STK3: variants seen among roughly 807,000 people sequenced by gnomAD.
STK3 encodes the protein serine/threonine kinase 3.
STK3 carries 41 observed loss-of-function variants against 58.0 expected under a neutral mutation model. The observed-to-expected ratio is 0.71, with a 90% CI of 0.55 to 0.92. The LOEUF (loss-of-function observed/expected upper bound fraction) is 0.92. Ranked by LOEUF, STK3 falls within the 40% of genes least tolerant of loss-of-function variation. STK3 has a pLI of 0.00. For missense variants in STK3, 479 were observed against 602.7 expected, an observed-to-expected ratio of 0.79 and a Z score of 2.15; for synonymous variants, 170 against 191.0, an observed-to-expected ratio of 0.89 and a Z score of 0.91.
At chr8:98,746,412 T>C (rs1197529068) in intron 4 of STK3, among the ~76,000 whole-genome samples, 2 of 152,070 alleles carry the variant, frequency 1.3e-5, no homozygotes, top group Non-Finnish European at 2.9e-5. Flanking sequence ...TGTTCTAGGA[T>C]ATGAGCCTAG....
intron 1 of STK3, among the ~76,000 whole-genome samples, chr8:98,901,511 T>C (rs1838655145): frequency 6.6e-6 from 1 of 152,262 alleles, no homozygotes; most frequent in African/African-American, 2.4e-5. Context: ...CTAGGCTCTC[T>C]GACTGCACAC....
chr8:98,628,677 CTA>C (rs1409152905), intron 6 of STK3, among the ~76,000 whole-genome samples: 1 of 151,924 alleles, frequency 6.6e-6, no homozygotes, highest in African/African-American at 2.4e-5. Context: ...TGGTATGTGC[CTA>C]TGTTCCCAGC....
chr8:98,847,151 G>C (rs780100462), intron 3 of STK3, among the ~76,000 whole-genome samples: 31 of 152,120 alleles, frequency 2.0e-4, no homozygotes, highest in Non-Finnish European at 3.8e-4. Flanking sequence ...ACTGCTTGAA[G>C]CCAAGAGTTT....
intron 6 of STK3, among the ~76,000 whole-genome samples, chr8:98,630,779 GGAAGAGGAAGAGGAA>G (rs140481096): frequency 1.4e-3 from 205 of 144,650 alleles, no homozygotes; most frequent in African/African-American, 4.4e-3. Context: ...AAGAAGAAGA[GGAAGAGGAAGAGGAA>G]GAAGAGGAAG....
chr8:98,535,182 A>C (rs1045518424), intron 9 of STK3, among the ~76,000 whole-genome samples: 1 of 152,212 alleles, frequency 6.6e-6, no homozygotes, highest in Non-Finnish European at 1.5e-5. Flanking sequence ...TAACTGCTGG[A>C]AAAGTAAGAA....
intron 9 of STK3, among the ~76,000 whole-genome samples, chr8:98,544,112 A>G: frequency 6.6e-6 from 1 of 152,318 alleles, no homozygotes; most frequent in South Asian, 2.1e-4. Context: ...AAGCAACGAA[A>G]TAATGAAATA....
At chr8:98,848,895 A>G (rs1836321548) in intron 3 of STK3, among the ~76,000 whole-genome samples, 1 of 152,164 alleles carries the variant, frequency 6.6e-6, no homozygotes, top group Admixed American at 6.5e-5. Context: ...TGCCAATAGC[A>G]TGTTTAACTG....
chr8:98,545,559 G>A (rs575432480), intron 9 of STK3, among the ~76,000 whole-genome samples: 2 of 152,082 alleles, frequency 1.3e-5, no homozygotes, highest in Non-Finnish European at 2.9e-5. Context: ...CTAGAGGTAA[G>A]GAAAATAGGC....
At chr8:98,431,934 G>T (rs1406568904) in intron 3 of STK3, 5 of 167,118 alleles carry the variant, frequency 3.0e-5, no homozygotes, top group African/African-American at 1.2e-4. Flanking sequence ...ATAGCATTGA[G>T]TTTTTCAAGT....
At chr8:98,729,357 G>A (rs933774134) in intron 4 of STK3, among the ~76,000 whole-genome samples, 3 of 152,056 alleles carry the variant, frequency 2.0e-5, no homozygotes, top group African/African-American at 4.8e-5. Flanking sequence ...TGATCTCCCC[G>A]CCTCAGCCTC....
At chr8:98,735,075 GT>G (rs1400177210) in intron 4 of STK3, among the ~76,000 whole-genome samples, 1 of 152,030 alleles carries the variant, frequency 6.6e-6, no homozygotes, top group African/African-American at 2.4e-5. Flanking sequence ...GACCATATTT[GT>G]TCAGCAATCC....
chr8:98,388,469 C>T (rs147861324), upstream of STK3, among the ~76,000 whole-genome samples: 11 of 152,194 alleles, frequency 7.2e-5, no homozygotes, highest in Admixed American at 1.3e-4. Context: ...TCTTCTAATG[C>T]GATGTATTTG....
chr8:98,817,284 T>A (rs1834615455), intron 1 of STK3, among the ~76,000 whole-genome samples: 1 of 151,974 alleles, frequency 6.6e-6, no homozygotes, highest in African/African-American at 2.4e-5. Flanking sequence ...TGAAACCCCA[T>A]CTCTACTAAA....
intron 6 of STK3, among the ~76,000 whole-genome samples, chr8:98,668,638 T>C (rs1345504344): frequency 3.3e-5 from 5 of 152,174 alleles, no homozygotes; most frequent in Non-Finnish European, 5.9e-5. Context: ...TGTATTTTAA[T>C]AGTAAAAGAA....
chr8:98,839,051 G>T (rs961146992), intron 3 of STK3, among the ~76,000 whole-genome samples: 48 of 82,216 alleles, frequency 5.8e-4, no homozygotes, highest in African/African-American at 1.3e-3. Context: ...TTGATTTTTG[G>T]GGGGGGGCGG....
intron 4 of STK3, among the ~76,000 whole-genome samples, chr8:98,740,303 A>G (rs1029437135): frequency 6.6e-6 from 1 of 152,132 alleles, no homozygotes; most frequent in Non-Finnish European, 1.5e-5. Context: ...CAGATTCACC[A>G]AAGTTAAAAT....
chr8:98,723,816 G>A (rs561579831), intron 4 of STK3, among the ~76,000 whole-genome samples: 34 of 152,032 alleles, frequency 2.2e-4, no homozygotes, highest in African/African-American at 7.5e-4. Context: ...AAAATTGATC[G>A]AAACTCACCA....
At chr8:98,487,009 C>T (rs1267023472) in intron 10 of STK3, among the ~76,000 whole-genome samples, 1 of 152,102 alleles carries the variant, frequency 6.6e-6, no homozygotes, top group Non-Finnish European at 1.5e-5. Context: ...TGAGATAAAA[C>T]TATGATTGCA....
chr8:98,430,799 G>GCTAGTTCATAAAACTGCTAGT (rs1201787693), intron 3 of STK3: 1 of 167,074 alleles, frequency 6.0e-6, no homozygotes, highest in Admixed American at 6.5e-5. Context: ...TTCATAAAAT[G>GCTAGTTCATAAAACTGCTAGT]TCATAAAAAA....
Sources: gnomAD v4.1 joint callset for allele counts (sites outside exome capture counted in the v4.1 genomes callset) on GRCh38, gnomAD v4.1.1 for gene constraint, MANE v1.5 for transcripts, NCBI Gene and HGNC (gene_info 2026-07-23, HGNC 2026-07-21) for gene names.